ATP8B1: variants seen among roughly 807,000 people sequenced by gnomAD.
ATP8B1 encodes the protein phospholipid-transporting ATPase IC.
A neutral mutation model predicts 149.9 loss-of-function variants in ATP8B1; 80 were observed. That is an observed-to-expected ratio of 0.53 (90% CI 0.45 to 0.64). ATP8B1 has a LOEUF of 0.64. Ranked by LOEUF, ATP8B1 falls within the 30% of genes least tolerant of loss-of-function variation. The pLI, the probability that ATP8B1 is intolerant of heterozygous loss-of-function variation, is 0.00. For missense variants in ATP8B1, 1,247 were observed against 1,552.6 expected (o/e 0.80, Z 3.31); for synonymous variants, 536 against 562.8 (o/e 0.95, Z 0.67).
chr18:57,682,799 C>T (rs994596378), intron 15 of ATP8B1, among the ~76,000 whole-genome samples: 1 of 152,008 alleles, frequency 6.6e-6, no homozygotes, highest in Admixed American at 6.6e-5. Context: ...TTCTTTGAAA[C>T]TTGCTGAAAG....
At chr18:57,797,939 C>T (rs1031992137) in intron 1 of ATP8B1, among the ~76,000 whole-genome samples, 2 of 151,998 alleles carry the variant, frequency 1.3e-5, no homozygotes, top group African/African-American at 2.4e-5. Flanking sequence ...CTCCTGATCT[C>T]GTGATCCACC....
intron 1 of ATP8B1, among the ~76,000 whole-genome samples, chr18:57,779,761 G>A (rs1036779683): frequency 1.3e-5 from 2 of 152,044 alleles, no homozygotes; most frequent in Non-Finnish European, 2.9e-5. Flanking sequence ...TTAGCTGGGC[G>A]TGGTGGCGGG....
At chr18:57,713,571 A>G (rs1031379044) in intron 2 of ATP8B1, among the ~76,000 whole-genome samples, 1 of 150,912 alleles carries the variant, frequency 6.6e-6, no homozygotes, top group African/African-American at 2.4e-5. Flanking sequence ...GCTCACTGCA[A>G]CCTCCACCTA....
At position 57,667,373 on chromosome 18, in the gene ATP8B1, A is replaced by G. The variant is rs922799631; in HGVS notation, c.2210-206T>C. The G allele has an allele frequency of 1.3e-5, 7 of 546,756 alleles. No homozygotes were observed. In the East Asian group the frequency reaches 2.2e-4, roughly 17 times the overall value. The allele number at this position is 546,756 out of a possible 1,614,324, so 33.9% of individuals were successfully genotyped here. ...GCCCCCAAGTAGCTGGGACTACGCA[A>G]CTCGCTGCCAAGCCACCAAACAATT... On this transcript the variant is annotated intron_variant, in intron 19 of 27. Coordinates refer to ENST00000648908, the MANE Select transcript of ATP8B1 (RefSeq NM_001374385.1).
chr18:57,794,027 C>T (rs1015606116), intron 1 of ATP8B1, among the ~76,000 whole-genome samples: 2 of 152,136 alleles, frequency 1.3e-5, no homozygotes, highest in African/African-American at 4.8e-5. Context: ...TATCAGATCG[C>T]CAAGAGATTA....
intron 22 of ATP8B1, among the ~76,000 whole-genome samples, chr18:57,659,515 T>A: frequency 6.6e-6 from 1 of 152,164 alleles, no homozygotes; most frequent in East Asian, 1.9e-4. Context: ...ATAAAAATCA[T>A]GTTTGACTTG....
intron 20 of ATP8B1, among the ~76,000 whole-genome samples, chr18:57,664,511 A>AG (rs2122672919): frequency 6.6e-6 from 1 of 151,902 alleles, no homozygotes; most frequent in East Asian, 1.9e-4. Flanking sequence ...GAAAAAAAAA[A>AG]AAAAAAAAAA....
At chr18:57,756,305 A>ATATATATATG (rs1555653792) in intron 1 of ATP8B1, among the ~76,000 whole-genome samples, 3,144 of 106,076 alleles carry the variant, frequency 0.03, 433 homozygotes, top group East Asian at 0.095. Context: ...GTGTATGTAT[A>ATATATATATG]TATATATATA....
chr18:57,648,672 C>A lies in ATP8B1; in HGVS notation c.3572G>T (p.Trp1191Leu), dbSNP rs758366918. Residue 1191 changes from tryptophan to leucine, a missense_variant, in exon 28 of 28, where the codon TGG (tryptophan) becomes TTG (leucine). Physicochemically the swap from Trp to Leu is moderately conservative, Grantham distance 61. This residue lies in a region of ATP8B1 where 164 missense variants were observed against 160.3 expected (regional missense o/e 1.02). Coordinates refer to ENST00000648908, the MANE Select transcript of ATP8B1 (RefSeq NM_001374385.1). Reference sequence around the variant, plus strand: ...GCGGAACACCTGCTGCCGTCGCTGCCACTGCTCCTCCGCCTTCAACCGCTT... The same window carrying A: ...GCGGAACACCTGCTGCCGTCGCTGCAACTGCTCCTCCGCCTTCAACCGCTT... ...HRKRLKAEEQ[W>L]QRRQQVFRRG... The A allele has an allele frequency of 1.9e-6, 3 of 1,570,286 alleles. No individual in the cohort carries two copies. The Admixed American group carries it at 5.7e-5, about 30-fold the overall frequency.
Position 57,693,034 on chromosome 18 carries a change from A to G in ATP8B1, c.1030-1037T>C, listed in dbSNP as rs180826065. On this transcript the variant is annotated intron_variant, in intron 11 of 27. Coordinates refer to ENST00000648908, the MANE Select transcript of ATP8B1 (RefSeq NM_001374385.1). ...TCGTGGAAAGAGCAGAGTGCCAAAC[A>G]GGCTCTTTGAGAGTGGATAACCACA... Among the ~76,000 whole-genome samples, 4 of 152,342 alleles carry G rather than the reference A, an allele frequency of 2.6e-5. No individual in the cohort carries two copies. The East Asian group carries it at 7.7e-4, about 29-fold the overall frequency.
At chr18:57,717,547 CAAAAAAAAAAAAAAAAAAAA>C (rs1163024544) in intron 2 of ATP8B1, among the ~76,000 whole-genome samples, 33 of 19,916 alleles carry the variant, frequency 1.7e-3, no homozygotes, top group South Asian at 0.01. Context: ...GACTCTGTCT[CAAAAAAAAAAAAAAAAAAAA>C]AAAAAAAAAA....
At chr18:57,770,067 A>AT (rs67664390) in intron 1 of ATP8B1, among the ~76,000 whole-genome samples, 21,603 of 133,768 alleles carry the variant, frequency 0.16, 2,141 homozygotes, top group Middle Eastern at 0.26. Context: ...GCTGAACTGC[A>AT]TTTTTTTTTT....
At chr18:57,694,727 A>C in intron 10 of ATP8B1, 57 bp from the exon 11 acceptor site, 2 of 1,181,110 alleles carry the variant, frequency 1.7e-6, no homozygotes, top group Non-Finnish European at 2.5e-6. Flanking sequence ...TCACTAGCTC[A>C]CCAATAAAAT....
Position 57,784,634 on chromosome 18 carries a change from G to A in ATP8B1, c.-26+18364C>T, listed in dbSNP as rs2663856. Among the ~76,000 whole-genome samples the A allele has an allele frequency of 1, 151,845 of 152,260 alleles. 75,719 individuals are homozygous for A. Among genetic ancestry groups the A allele is most frequent in the East Asian group, 1 (5,157 of 5,158 alleles). ...CAACTGATGTCAGAGTTCAATGCTCGAGGTGCTGTGTTTAGGGGCATGCAG... is the reference window on the plus strand; with the variant it reads ...CAACTGATGTCAGAGTTCAATGCTCAAGGTGCTGTGTTTAGGGGCATGCAG... On this transcript the variant is annotated intron_variant, in intron 1 of 27. Coordinates refer to ENST00000648908, the MANE Select transcript of ATP8B1 (RefSeq NM_001374385.1). The surrounding 1 kb of genome is among the most constrained non-coding windows in gnomAD (Gnocchi z 4.4).
chr18:57,714,939 A>G (rs184591983), intron 2 of ATP8B1, among the ~76,000 whole-genome samples: 2 of 152,338 alleles, frequency 1.3e-5, no homozygotes, highest in Admixed American at 1.3e-4. Flanking sequence ...GACTTCACCA[A>G]ACAAACTAAA....
chr18:57,766,135 C>T (rs2080209565), intron 1 of ATP8B1, among the ~76,000 whole-genome samples: 1 of 148,590 alleles, frequency 6.7e-6, no homozygotes, highest in Non-Finnish European at 1.5e-5. Context: ...CCTCTGCCTC[C>T]CAGATTCAAG....
intron 1 of ATP8B1, among the ~76,000 whole-genome samples, chr18:57,781,566 A>G (rs1392881486): frequency 3.3e-5 from 5 of 152,246 alleles, no homozygotes; most frequent in Non-Finnish European, 7.3e-5. Context: ...GAAAATTAAT[A>G]TATTCATTAA....
intron 1 of ATP8B1, among the ~76,000 whole-genome samples, chr18:57,799,582 G>A (rs567635891): frequency 6.6e-6 from 1 of 151,922 alleles, no homozygotes; most frequent in East Asian, 1.9e-4. Context: ...GGTGGCACAC[G>A]CCTGTGATCT....
chr18:57,760,832 T>C (rs529885289), intron 1 of ATP8B1, among the ~76,000 whole-genome samples: 25 of 151,626 alleles, frequency 1.6e-4, no homozygotes, highest in Admixed American at 1.6e-3. Flanking sequence ...CTACTAAAAA[T>C]ACAAAAATTA....
Sources: gnomAD v4.1 joint callset for allele counts (sites outside exome capture counted in the v4.1 genomes callset) on GRCh38, gnomAD v4.1.1 for gene constraint, gnomAD v4.1.1 regional missense constraint, Gnocchi (gnomAD v3.1) non-coding constraint, MANE v1.5 for transcripts, NCBI Gene and HGNC (gene_info 2026-07-23, HGNC 2026-07-21) for gene names.